LYST: variants seen among roughly 807,000 people sequenced by gnomAD.
The protein encoded by LYST is lysosomal-trafficking regulator.
Under a neutral mutation model 413.6 loss-of-function variants are expected in LYST, and 192 were observed. The observed-to-expected ratio is 0.46, with a 90% CI of 0.41 to 0.52. The LOEUF (loss-of-function observed/expected upper bound fraction) is 0.52, where lower values mean the gene tolerates loss of function less well. LYST is among the 20% of genes least tolerant of loss of function. LYST has a pLI of 0.00. For missense variants in LYST, 3,815 were observed against 4,499.9 expected (o/e 0.85, Z 4.35); for synonymous variants, 1,525 against 1,567.3 (o/e 0.97, Z 0.64).
At chr1:235,881,867 G>A (rs1681389979) in intron 1 of LYST, among the ~76,000 whole-genome samples, 1 of 152,008 alleles carries the variant, frequency 6.6e-6, no homozygotes. Context: ...GGGGATAGAA[G>A]GAAATGAGGA....
At chr1:235,692,227 G>A (rs966105302) in intron 47 of LYST, among the ~76,000 whole-genome samples, 59 of 151,414 alleles carry the variant, frequency 3.9e-4, no homozygotes, top group Non-Finnish European at 5.6e-4. Flanking sequence ...CAGCTACTTC[G>A]GAAGCTGAGG....
In LYST at chr1:235,778,730, C is replaced by T. The variant is rs1260369490; in HGVS notation, c.5215-1422G>A. On this transcript the variant is annotated intron_variant, in intron 16 of 52. Coordinates refer to ENST00000389793, the MANE Select transcript of LYST (RefSeq NM_000081.4). ...CACAGCAATCAGACATACCACCCAGCGTATCTGTGCACCAGCTAAACCAAT... is the reference window on the plus strand; with the variant it reads ...CACAGCAATCAGACATACCACCCAGTGTATCTGTGCACCAGCTAAACCAAT... 1.1e-4 allele frequency among the ~76,000 whole-genome samples: 17 copies of T among 151,896 alleles called. 1 individual carries two copies. In the East Asian group the frequency reaches 2.5e-3, roughly 23 times the overall value.
intron 24 of LYST, among the ~76,000 whole-genome samples, chr1:235,756,045 ATATCTATATCTATATCTG>A (rs1375339911): frequency 6.0e-4 from 86 of 143,310 alleles, no homozygotes; most frequent in African/African-American, 2.4e-3. Context: ...ATCTATATCT[ATATCTATATCTATATCTG>A]TATCTATATC....
chr1:235,709,885 T>C (rs1024895874), intron 43 of LYST, among the ~76,000 whole-genome samples: 1 of 140,338 alleles, frequency 7.1e-6, no homozygotes, highest in Non-Finnish European at 1.5e-5. Flanking sequence ...AGCATTCCTG[T>C]AGATAGCAAA....
chr1:235,730,936 GACA>G lies in LYST; in HGVS notation c.8952_8954del (p.Val2985del). 6.2e-7 allele frequency: 1 copy of G among 1,612,280 alleles called. No individual in the cohort carries two copies. The highest frequency in any genetic ancestry group is 1.1e-5 in the South Asian group (1 of 91,032). ...CAAACAGGTAAGAGAGTGGTGGTTT[GACA>G]ACATCTGTTGAGGAGAAAAGTAAAT... is the stretch of plus-strand genomic sequence containing the variant. On this transcript the variant is annotated inframe_deletion, in exon 36 of 53. Transcript: ENST00000389793.
At chr1:235,698,766 G>A (rs903732104) in intron 45 of LYST, among the ~76,000 whole-genome samples, 9 of 152,098 alleles carry the variant, frequency 5.9e-5, no homozygotes, top group Non-Finnish European at 7.4e-5. Context: ...CCAGCTGCTC[G>A]GGAGGCTGAG....
Position 235,711,560 on chromosome 1 carries a change from T to C in LYST, c.9925+497A>G, listed in dbSNP as rs921301857. 2.0e-5 allele frequency among the ~76,000 whole-genome samples: 3 copies of C among 152,190 alleles called. No homozygotes were observed. The East Asian group carries it at 5.8e-4, about 29-fold the overall frequency. On this transcript the variant is annotated intron_variant, in intron 43 of 52. Transcript: ENST00000389793. ...CTCTTCTATTTAAGAATAGCTAAGG[T>C]TGGCAGCCAAGACTGTTAGTTGGCA...
chr1:235,871,231 C>G (rs185786651), upstream of LYST, among the ~76,000 whole-genome samples: 32 of 152,276 alleles, frequency 2.1e-4, no homozygotes, highest in Middle Eastern at 3.4e-3. Flanking sequence ...TAGTATGATT[C>G]TTTCATGTAA....
rs1672157889 is a variant in LYST at position 235,801,036 on chromosome 1, G to A, written c.3774C>T (p.Leu1258=). 1 of 1,613,390 alleles carries A rather than the reference G, an allele frequency of 6.2e-7. No homozygotes were observed. Among genetic ancestry groups the A allele is most frequent in the South Asian group, 1.1e-5 (1 of 91,078 alleles). ...FSASSSPNDL[L]ENLTQGEIIY... The stretch of plus-strand genomic sequence containing the variant: ...TTATTTCCCCTTGAGTGAGGTTTTC[G>A]AGTAAGTCATTTGGACTGCTTGATG... The change falls in exon 9 of 53, where the codon CTC becomes CTT. Residue 1258 remains leucine, a synonymous_variant. Coordinates refer to ENST00000389793, the MANE Select transcript of LYST (RefSeq NM_000081.4).
intron 48 of LYST, among the ~76,000 whole-genome samples, chr1:235,684,626 A>T (rs1270162446): frequency 6.6e-6 from 1 of 152,128 alleles, no homozygotes; most frequent in African/African-American, 2.4e-5. Context: ...CCTTTTTTAA[A>T]AACAATTTCA....
chr1:235,793,571 T>C lies in LYST; in HGVS notation c.4048A>G (p.Ser1350Gly), dbSNP rs1031726855. Residue 1350 changes from serine (S) to glycine (G), a missense_variant, in exon 11 of 53, where the codon AGT becomes GGT. Physicochemically the swap from Ser to Gly is moderately conservative, Grantham distance 56. Coordinates refer to ENST00000389793, the MANE Select transcript of LYST (RefSeq NM_000081.4). The part of the protein sequence containing the change: ...VLVDLLVSLM[S>G]SRTCSEELTL... ...AGCTCTTCTGAACATGTTCTTGAAC[T>C]CATCAAAGATACCAAAAGATCCACC... 1.9e-6 allele frequency: 3 copies of C among 1,602,432 alleles called. No homozygotes were observed. In the African/African-American group the frequency reaches 4.0e-5, roughly 21 times the overall value.
rs118085571 is a variant in LYST, at chr1:235,815,246, T to C, written c.193-2185A>G. On this transcript the variant is annotated intron_variant, in intron 3 of 52. Coordinates refer to ENST00000389793, the MANE Select transcript of LYST (RefSeq NM_000081.4). ...ACTGTGTCAGGTACTTCAAATGCTG[T>C]AGTGAACACAATATCCATATCCTCA... Among the ~76,000 whole-genome samples, 117 of 152,284 alleles carry C rather than the reference T, an allele frequency of 7.7e-4. No individual in the cohort carries two copies. The East Asian group carries it at 0.021, about 28-fold the overall frequency.
chr1:235,862,830 C>T (rs1338686498), intron 1 of LYST, among the ~76,000 whole-genome samples: 1 of 146,108 alleles, frequency 6.8e-6, no homozygotes, highest in Admixed American at 6.8e-5. Flanking sequence ...CACACACACA[C>T]ACACACACAC....
At chr1:235,881,257 C>A (rs115006985) in intron 1 of LYST, among the ~76,000 whole-genome samples, 1 of 152,180 alleles carries the variant, frequency 6.6e-6, no homozygotes, top group East Asian at 1.9e-4. Flanking sequence ...AACAGGTTTG[C>A]AAGTTCTTCT....
chr1:235,869,163 A>G (rs1265153973), upstream of LYST, among the ~76,000 whole-genome samples: 1 of 152,226 alleles, frequency 6.6e-6, no homozygotes, highest in East Asian at 1.9e-4. Flanking sequence ...AAAGTAAAGT[A>G]ATAGGTATAT....
intron 4 of LYST, among the ~76,000 whole-genome samples, chr1:235,812,505 TAA>T (rs374830793): frequency 1.4e-4 from 14 of 102,712 alleles, no homozygotes; most frequent in Admixed American, 2.0e-4. Flanking sequence ...AGACTCTGCC[TAA>T]AAAAAAAAAA....
chr1:235,759,904 C>T (rs951569672), intron 22 of LYST, among the ~76,000 whole-genome samples: 7 of 152,056 alleles, frequency 4.6e-5, no homozygotes, highest in Non-Finnish European at 1.0e-4. Flanking sequence ...GCATGCACCC[C>T]ACACCTGGCT....
In LYST at chr1:235,830,264, A is replaced by G; in HGVS notation, c.154T>C (p.Phe52Leu). 1.9e-6 allele frequency: 3 copies of G among 1,613,992 alleles called. No homozygotes were observed. The highest frequency in any genetic ancestry group is 2.5e-6 in the Non-Finnish European group (3 of 1,179,914). ...LGQYLVHGRG[F>L]LLLTKLNSII... Reference sequence around the variant, plus strand: ...GAATTTAGCTTGGTAAGTAATAGAAATCCTCGACCATGGACAAGGTACTGT... The same window carrying G: ...GAATTTAGCTTGGTAAGTAATAGAAGTCCTCGACCATGGACAAGGTACTGT... The change falls in exon 3 of 53, where the codon TTT becomes CTT. Residue 52 changes from phenylalanine (F) to leucine (L), a missense_variant. This residue lies in a region of LYST where 1,648 missense variants were observed against 1,810.3 expected (regional missense o/e 0.91). Transcript: ENST00000389793.
intron 14 of LYST, among the ~76,000 whole-genome samples, chr1:235,786,831 T>C (rs1670466112): frequency 7.3e-6 from 1 of 136,816 alleles, no homozygotes; most frequent in Admixed American, 8.4e-5. Flanking sequence ...TTCTCACTCA[T>C]AGGTGGGAAT....
Sources: allele counts gnomAD v4.1 joint callset (sites outside exome capture counted in the v4.1 genomes callset), GRCh38; gene constraint gnomAD v4.1.1; regional missense constraint gnomAD v4.1.1; transcripts MANE v1.5; gene names NCBI Gene and HGNC (gene_info 2026-07-23, HGNC 2026-07-21).